Variants in KHDRBS3 observed in about 807,000 individuals in gnomAD.
KHDRBS3 encodes the protein KH RNA binding domain containing, signal transduction associated 3, also known as KH domain-containing, RNA-binding, signal transduction-associated protein 3.
A neutral mutation model predicts 45.6 loss-of-function variants in KHDRBS3; 23 were observed. That is an observed-to-expected ratio of 0.50 (90% confidence interval 0.36 to 0.72). The LOEUF is 0.72. KHDRBS3 is among the 30% of genes least tolerant of loss of function. The pLI is 0.00. For synonymous variants in KHDRBS3, 162 were observed against 156.5 expected (o/e 1.04, Z -0.26); for missense variants, 352 against 424.8 (o/e 0.83, Z 1.51).
chr8:135,578,063 C>T (rs1828029183), intron 5 of KHDRBS3, among the ~76,000 whole-genome samples: 1 of 152,062 alleles, frequency 6.6e-6, no homozygotes, highest in African/African-American at 2.4e-5. Flanking sequence ...AGTATTTTGC[C>T]TGCTTTTTAA....
At chr8:135,612,241 A>G (rs1210771456) in intron 7 of KHDRBS3, among the ~76,000 whole-genome samples, 1 of 151,652 alleles carries the variant, frequency 6.6e-6, no homozygotes, top group East Asian at 1.9e-4. Flanking sequence ...TCCTGTTTAT[A>G]TTTCCCATAT....
chr8:135,508,074 C>G (rs1824098314), intron 1 of KHDRBS3, among the ~76,000 whole-genome samples: 1 of 152,056 alleles, frequency 6.6e-6, no homozygotes, highest in Non-Finnish European at 1.5e-5. Context: ...GTTTCTTTTC[C>G]CGCCCTGAAT....
intron 1 of KHDRBS3, chr8:135,458,814 C>G (rs1211213704): frequency 4.4e-6 from 2 of 454,224 alleles, no homozygotes; most frequent in East Asian, 1.4e-4. Context: ...TACTGCGGGT[C>G]AGGGATACAG....
chr8:135,510,015 C>CT (rs1189586956), intron 1 of KHDRBS3, among the ~76,000 whole-genome samples: 4 of 137,728 alleles, frequency 2.9e-5, no homozygotes, highest in Non-Finnish European at 6.1e-5. Context: ...GAGTCTCTCT[C>CT]TCTGTGCAGG....
At chr8:135,555,266 C>T (rs1303640920) in intron 4 of KHDRBS3, among the ~76,000 whole-genome samples, 1 of 152,176 alleles carries the variant, frequency 6.6e-6, no homozygotes, top group Non-Finnish European at 1.5e-5. Flanking sequence ...CTTATGTTTT[C>T]ATCAAAGACA....
chr8:135,470,526 G>T (rs1821961241), intron 1 of KHDRBS3, among the ~76,000 whole-genome samples: 1 of 151,356 alleles, frequency 6.6e-6, no homozygotes, highest in African/African-American at 2.4e-5. Context: ...ATTGTATTCT[G>T]GATTGTATTT....
intron 6 of KHDRBS3, among the ~76,000 whole-genome samples, chr8:135,603,548 A>T (rs1397539120): frequency 6.6e-6 from 1 of 152,188 alleles, no homozygotes; most frequent in Non-Finnish European, 1.5e-5. Context: ...CATATTCATG[A>T]CTTCTGTTAT....
chr8:135,471,197 A>G (rs1821997774), intron 1 of KHDRBS3, among the ~76,000 whole-genome samples: 1 of 152,224 alleles, frequency 6.6e-6, no homozygotes, highest in Non-Finnish European at 1.5e-5. Context: ...GTTACTTCCA[A>G]TAAAAGGTCC....
chr8:135,548,689 T>G lies in KHDRBS3; in HGVS notation c.325-65T>G, dbSNP rs1826431756. On this transcript the variant is annotated intron_variant, in intron 3 of 8. Transcript: ENST00000355849. The stretch of plus-strand genomic sequence containing the variant: ...TGGGGGTTAGTTTTTATTTATTTAT[T>G]TATTTATCTTTCATTTCTTATAATG... 6 of 1,230,530 alleles carry G rather than the reference T, an allele frequency of 4.9e-6. No individual in the cohort carries two copies. The South Asian group carries it at 7.6e-5, about 16-fold the overall frequency. 76.2% of individuals were successfully genotyped at this position (1,230,530 alleles called of 1,614,324 possible). A position where few individuals can be genotyped will look rare whatever the true frequency, so the allele number is the denominator to read the frequency against.
intron 1 of KHDRBS3, among the ~76,000 whole-genome samples, chr8:135,509,550 C>T (rs1010957190): frequency 1.3e-5 from 2 of 152,112 alleles, no homozygotes; most frequent in African/African-American, 4.8e-5. Flanking sequence ...TTTAACAAAC[C>T]TATGAAATTT....
intron 1 of KHDRBS3, among the ~76,000 whole-genome samples, chr8:135,468,102 T>C (rs1821792022): frequency 6.6e-6 from 1 of 152,190 alleles, no homozygotes; most frequent in South Asian, 2.1e-4. Context: ...TTTCTTTAAT[T>C]CAGTGGGTTA....
At chr8:135,469,763 G>A (rs999818091) in intron 1 of KHDRBS3, among the ~76,000 whole-genome samples, 3 of 152,052 alleles carry the variant, frequency 2.0e-5, no homozygotes, top group Admixed American at 6.5e-5. Context: ...TCCTGACCTC[G>A]TGATCCACCC....
At chr8:135,487,411 C>T (rs754709765) in intron 1 of KHDRBS3, among the ~76,000 whole-genome samples, 1 of 152,034 alleles carries the variant, frequency 6.6e-6, no homozygotes, top group Non-Finnish European at 1.5e-5. Flanking sequence ...TATTAAATAC[C>T]TACTATAGCA....
chr8:135,617,739 T>C (rs776012682), intron 7 of KHDRBS3, among the ~76,000 whole-genome samples: 1 of 152,254 alleles, frequency 6.6e-6, no homozygotes, highest in Non-Finnish European at 1.5e-5. Context: ...GTTGTTATTA[T>C]GAGTTTAAGT....
intron 2 of KHDRBS3, chr8:135,538,903 T>C (rs548647515): frequency 6.6e-6 from 1 of 152,266 alleles, no homozygotes; most frequent in East Asian, 1.9e-4. Context: ...TATGACTAGC[T>C]TGAAGGATTT....
intron 4 of KHDRBS3, among the ~76,000 whole-genome samples, chr8:135,551,682 G>A (rs1826610244): frequency 6.6e-6 from 1 of 152,088 alleles, no homozygotes; most frequent in African/African-American, 2.4e-5. Flanking sequence ...TTTTACATCT[G>A]TAATTATGAA....
intron 6 of KHDRBS3, among the ~76,000 whole-genome samples, chr8:135,598,387 G>A (rs750838694): frequency 6.6e-6 from 1 of 152,092 alleles, no homozygotes; most frequent in Non-Finnish European, 1.5e-5. Context: ...TTACCATTTT[G>A]CAAATTTTAA....
chr8:135,625,629 T>A (rs2131109179), intron 7 of KHDRBS3: 1 of 889,510 alleles, frequency 1.1e-6, no homozygotes, highest in Non-Finnish European at 1.9e-6. Flanking sequence ...TCCATCATAA[T>A]TTGCATCAAA....
chr8:135,533,380 A>G (rs1825577563), intron 2 of KHDRBS3, among the ~76,000 whole-genome samples: 2 of 152,144 alleles, frequency 1.3e-5, no homozygotes, highest in African/African-American at 4.8e-5. Context: ...TCTCAGTTGG[A>G]GCTATTTCTC....
Sources: allele counts gnomAD v4.1 joint callset (sites outside exome capture counted in the v4.1 genomes callset), GRCh38; gene constraint gnomAD v4.1.1; transcripts MANE v1.5; gene names NCBI Gene and HGNC (gene_info 2026-07-23, HGNC 2026-07-21).